Variants in TRPM1 observed in about 807,000 individuals in gnomAD.
The protein encoded by TRPM1 is transient receptor potential cation channel subfamily M member 1.
Under a neutral mutation model 149.4 loss-of-function variants are expected in TRPM1, and 113 were observed. The ratio of observed to expected loss-of-function variants is 0.76; its 90% CI spans 0.65 to 0.88. TRPM1 has a LOEUF of 0.88. Ranked by LOEUF, TRPM1 falls within the 40% of genes least tolerant of loss-of-function variation. TRPM1 has a pLI of 0.00. For synonymous variants in TRPM1, 741 were observed against 759.5 expected (o/e 0.98, Z 0.40); for missense variants, 1,976 against 2,038.7 (o/e 0.97, Z 0.59).
At chr15:31,112,631 C>T (rs1311915687) in intron 1 of TRPM1, among the ~76,000 whole-genome samples, 1 of 152,088 alleles carries the variant, frequency 6.6e-6, no homozygotes, top group African/African-American at 2.4e-5. Context: ...GGCGTGGTGT[C>T]CACTTTGAGG....
At chr15:31,054,766 T>G (rs1177734317) in intron 11 of TRPM1, among the ~76,000 whole-genome samples, 2 of 152,210 alleles carry the variant, frequency 1.3e-5, no homozygotes, top group Non-Finnish European at 2.9e-5. Flanking sequence ...ATCCATCACC[T>G]CACATACTTA....
chr15:31,154,337 G>C (rs185512853), intron 1 of TRPM1, among the ~76,000 whole-genome samples: 1 of 152,318 alleles, frequency 6.6e-6, no homozygotes, highest in East Asian at 1.9e-4. Flanking sequence ...GTGGCATGGG[G>C]TGTGTTACAT....
intron 15 of TRPM1, among the ~76,000 whole-genome samples, 183 bp downstream of exon 15, chr15:31,046,928 C>T (rs535534624): frequency 6.6e-6 from 1 of 152,306 alleles, no homozygotes; most frequent in African/African-American, 2.4e-5. Flanking sequence ...GGCGGGGCGG[C>T]CCGTGCTCAG....
chr15:31,101,653 T>G lies in TRPM1; in HGVS notation c.-84+4A>C. On this transcript the variant is annotated splice_donor_region_variant and intron_variant, in intron 1 of 27. Coordinates refer to ENST00000256552, the MANE Select transcript of TRPM1 (RefSeq NM_001252024.2). Reference sequence around the variant, plus strand: ...CACCTGTGCTTACCCGCATCTGAGCTTACCTGCCACAGCAGTGGAATGGAG... The same window carrying G: ...CACCTGTGCTTACCCGCATCTGAGCGTACCTGCCACAGCAGTGGAATGGAG... 1.0e-6 allele frequency: 1 copy of G among 985,746 alleles called. No individual in the cohort carries two copies. The highest frequency in any genetic ancestry group is 1.2e-6 in the Non-Finnish European group (1 of 830,166). 61.1% of individuals were successfully genotyped at this position (985,746 alleles called of 1,614,324 possible).
chr15:31,084,179 C>T (rs765599005), intron 1 of TRPM1, among the ~76,000 whole-genome samples: 30 of 152,138 alleles, frequency 2.0e-4, no homozygotes, highest in Non-Finnish European at 3.8e-4. Context: ...TGATATTTTT[C>T]TTTGTACTTT....
At position 31,047,901 on chromosome 15, in the gene TRPM1, C is replaced by G; in HGVS notation, c.1611G>C (p.Arg537Ser). The change falls in exon 14 of 28, where the codon AGG becomes AGC. Residue 537 changes from arginine to serine, a missense_variant. By Grantham distance (110) the Arg-to-Ser change is moderately radical. This residue lies in a region of TRPM1 where 1,332 missense variants were observed against 1,347.1 expected (regional missense o/e 0.99). Coordinates refer to ENST00000256552, the MANE Select transcript of TRPM1 (RefSeq NM_001252024.2). ...ACAGTAGACTGACCTTTTTCACATC[C>G]CTCACCAGCAGATGAAGTGTGTTTG... ...GPPNTLHLLV[R>S]DVKKSNLPPD... is the part of the protein sequence containing the mutation. 1 of 1,613,550 alleles carries G rather than the reference C, an allele frequency of 6.2e-7. No homozygotes were observed. The highest frequency in any genetic ancestry group is 8.5e-7 in the Non-Finnish European group (1 of 1,179,452).
intron 2 of TRPM1, 122 bp from the exon 3 acceptor site, chr15:31,077,106 A>T: frequency 1.4e-6 from 1 of 708,538 alleles, no homozygotes; most frequent in East Asian, 2.7e-5. Context: ...ATCTGCAATA[A>T]TGGTGGATGC....
At chr15:31,105,802 T>C (rs1345360090), upstream of TRPM1, among the ~76,000 whole-genome samples, 1 of 152,204 alleles carries the variant, frequency 6.6e-6, no homozygotes, top group Non-Finnish European at 1.5e-5. Flanking sequence ...ACACACTTGA[T>C]ACACAGCGAG....
At chr15:31,128,648 G>A (rs547994432) in intron 1 of TRPM1, among the ~76,000 whole-genome samples, 40 of 152,230 alleles carry the variant, frequency 2.6e-4, no homozygotes, top group African/African-American at 8.4e-4. Context: ...CATCACTGAC[G>A]GGCATAGGCA....
intron 1 of TRPM1, among the ~76,000 whole-genome samples, chr15:31,113,453 C>G (rs1402058997): frequency 6.6e-6 from 1 of 151,074 alleles, no homozygotes; most frequent in Non-Finnish European, 1.5e-5. Context: ...TTCAAAATCT[C>G]TAAGGTATAG....
intron 12 of TRPM1, among the ~76,000 whole-genome samples, chr15:31,049,994 C>A (rs1468968549): frequency 1.3e-5 from 2 of 152,206 alleles, no homozygotes; most frequent in East Asian, 3.8e-4. Context: ...CTCCAGCCTC[C>A]CCACCTAAAC....
chr15:31,066,290 T>C lies in TRPM1; in HGVS notation c.619-43A>G, dbSNP rs140608109. 1,798 of 1,612,026 alleles carry C rather than the reference T, an allele frequency of 1.1e-3. 24 individuals are homozygous for C. The African/African-American group carries it at 0.021, about 18-fold the overall frequency. On this transcript the variant is annotated intron_variant, in intron 6 of 27. Transcript: ENST00000256552. ...GCAAATCAGACCTGCAGGACTTGGA[T>C]GTTAAGACCAACAAGGGAAGCAAGC...
chr15:31,101,519 C>A lies in TRPM1; in HGVS notation c.-84+138G>T, dbSNP rs570320289. ...TTACTTGCACCTGAGCCTACCTGCA[C>A]CTGAGGTTACCAACACCTGAGCTTA... On this transcript the variant is annotated intron_variant, in intron 1 of 27. Transcript: ENST00000256552. The A allele has an allele frequency of 4.7e-5, 18 of 385,652 alleles. No individual in the cohort carries two copies. The East Asian group carries it at 2.8e-3, about 60-fold the overall frequency. 23.9% of individuals were successfully genotyped at this position (385,652 alleles called of 1,614,324 possible). A position where few individuals can be genotyped will look rare whatever the true frequency, so the allele number is the denominator to read the frequency against.
intron 27 of TRPM1, among the ~76,000 whole-genome samples, chr15:31,019,982 T>G (rs1220717245): frequency 6.6e-6 from 1 of 151,260 alleles, no homozygotes; most frequent in Admixed American, 6.6e-5. Flanking sequence ...ACTCATGTCT[T>G]TCTTCTGGCT....
chr15:31,033,703 A>T (rs935918206), intron 21 of TRPM1, among the ~76,000 whole-genome samples: 2 of 152,072 alleles, frequency 1.3e-5, no homozygotes, highest in South Asian at 2.1e-4. Context: ...CAACCCATGC[A>T]CACTAGCCGA....
chr15:31,046,609 G>A (rs1409614213), intron 15 of TRPM1, among the ~76,000 whole-genome samples: 2 of 152,170 alleles, frequency 1.3e-5, no homozygotes, highest in East Asian at 1.9e-4. Context: ...GGGGAAAGAC[G>A]TGGCAGGTAC....
chr15:31,142,327 C>A lies in TRPM1; in HGVS notation c.54+18579G>T, dbSNP rs2036172455. Among the ~76,000 whole-genome samples the A allele has an allele frequency of 2.0e-5, 3 of 152,110 alleles. No homozygotes were observed. The South Asian group carries it at 6.2e-4, about 32-fold the overall frequency. ...ATTAATGTTTAATATCAAAAAAGTA[C>A]ACTGATGCAAAACTGAAATTTGATT... On this transcript the variant is annotated intron_variant, in intron 1 of 26. Transcript: ENST00000542188.
intron 1 of TRPM1, among the ~76,000 whole-genome samples, chr15:31,128,900 A>C (rs1011623695): frequency 6.6e-6 from 1 of 152,212 alleles, no homozygotes; most frequent in Non-Finnish European, 1.5e-5. Flanking sequence ...GCTAATTCAG[A>C]TGAAAGCCCC....
chr15:31,001,789 T>G lies in TRPM1; in HGVS notation c.*33A>C, dbSNP rs746600483. 2 of 1,599,196 alleles carry G rather than the reference T, an allele frequency of 1.3e-6. No individual in the cohort carries two copies. Among genetic ancestry groups the G allele is most frequent in the South Asian group, 1.1e-5 (1 of 89,428 alleles). On this transcript the variant is annotated 3_prime_UTR_variant, in exon 28 of 28. Transcript: ENST00000256552. ...GATGACACCCATTAGTGGTTCTGAC[T>G]GTTAAAAAAAAAAATTAAAGAAACA... is the stretch of plus-strand genomic sequence containing the variant.
Sources: allele counts gnomAD v4.1 joint callset (sites outside exome capture counted in the v4.1 genomes callset), GRCh38; gene constraint gnomAD v4.1.1; regional missense constraint gnomAD v4.1.1; transcripts MANE v1.5; gene names NCBI Gene and HGNC (gene_info 2026-07-23, HGNC 2026-07-21).